The following EIF2B1 variants were observed in gnomAD, a reference collection of about 807,000 sequenced individuals.
The protein encoded by EIF2B1 is translation initiation factor eIF2B subunit alpha.
A neutral mutation model predicts 36.8 loss-of-function variants in EIF2B1; 30 were observed. The observed-to-expected ratio is 0.81, with a 90% CI of 0.61 to 1.10. The LOEUF (loss-of-function observed/expected upper bound fraction) is 1.10. Among genes scored for constraint, EIF2B1 ranks in the 50% least tolerant of loss-of-function variants. The probability of loss-of-function intolerance (pLI) is 0.00; values close to 1 mark genes in which losing one functional copy is unlikely to be tolerated. For missense variants in EIF2B1, 271 were observed against 374.8 expected (o/e 0.72, Z 2.29); for synonymous variants, 139 against 142.2 (o/e 0.98, Z 0.16).
Position 123,633,619 on chromosome 12 carries a change from CGCCGGCCGCGCCGCCTG to C in EIF2B1, c.-79_-63del. 6.3e-7 allele frequency: 1 copy of C among 1,597,238 alleles called. No individual in the cohort carries two copies. The highest frequency in any genetic ancestry group is 8.5e-7 in the Non-Finnish European group (1 of 1,178,090). ...CCGCCCGCGCTGTCTCGAACGGGTCCGCCGGCCGCGCCGCCTGCGAGCCAGTCTGACAGCGCGCTGCA... is the reference window on the plus strand; with the variant it reads ...CCGCCCGCGCTGTCTCGAACGGGTCCCGAGCCAGTCTGACAGCGCGCTGCA... On this transcript the variant is annotated 5_prime_UTR_variant, in exon 1 of 9. Transcript: ENST00000424014.
intron 4 of EIF2B1, among the ~76,000 whole-genome samples, chr12:123,628,132 T>C (rs1955161932): frequency 6.6e-6 from 1 of 152,152 alleles, no homozygotes; most frequent in South Asian, 2.1e-4. Context: ...CATGGCTCAC[T>C]GTAGCCTCGA....
At chr12:123,633,061 C>T (rs1955212806) in intron 1 of EIF2B1, among the ~76,000 whole-genome samples, 1 of 151,564 alleles carries the variant, frequency 6.6e-6, no homozygotes. Flanking sequence ...TGAGAGGATC[C>T]CAGAGTCAAC....
At chr12:123,624,382 C>T (rs748190921) in intron 7 of EIF2B1, among the ~76,000 whole-genome samples, 2 of 151,572 alleles carry the variant, frequency 1.3e-5, no homozygotes, top group Non-Finnish European at 2.9e-5. Flanking sequence ...CCTCAGCTTC[C>T]TGGGCAGCTG....
chr12:123,631,706 C>A (rs569107184), intron 2 of EIF2B1, among the ~76,000 whole-genome samples: 2 of 151,926 alleles, frequency 1.3e-5, no homozygotes, highest in Non-Finnish European at 2.9e-5. Context: ...TACCTGGAGG[C>A]TGAGGCAGGA....
chr12:123,623,119 G>A (rs1593777893), intron 7 of EIF2B1, among the ~76,000 whole-genome samples: 1 of 145,286 alleles, frequency 6.9e-6, no homozygotes. Context: ...GGTGGCTCAC[G>A]CCTGTAATCC....
chr12:123,627,030 A>G lies in EIF2B1; in HGVS notation c.482+14T>C. Reference sequence around the variant, plus strand: ...ATTATGGCTGGGCACATAACTGAACAGAAAGGTACTTGCCCTGACAAATCA... The same window carrying G: ...ATTATGGCTGGGCACATAACTGAACGGAAAGGTACTTGCCCTGACAAATCA... On this transcript the variant is annotated intron_variant, in intron 5 of 8. Coordinates refer to ENST00000424014, the MANE Select transcript of EIF2B1 (RefSeq NM_001414.4). 2 of 1,611,352 alleles carry G rather than the reference A, an allele frequency of 1.2e-6. No individual in the cohort carries two copies. Among genetic ancestry groups the G allele is most frequent in the Non-Finnish European group, 1.7e-6 (2 of 1,177,382 alleles).
In EIF2B1 at chr12:123,633,679, T is replaced by C; in HGVS notation, c.-122A>G. ...GCGCTGCACACCTCCGCACCCCACTTCCGGCGCACTTCCGTACCCCTCTTC... is the reference window on the plus strand; with the variant it reads ...GCGCTGCACACCTCCGCACCCCACTCCCGGCGCACTTCCGTACCCCTCTTC... On this transcript the variant is annotated 5_prime_UTR_variant, in exon 1 of 9. Coordinates refer to ENST00000424014, the MANE Select transcript of EIF2B1 (RefSeq NM_001414.4). The C allele has an allele frequency of 6.6e-7, 1 of 1,508,604 alleles. No homozygotes were observed. Among genetic ancestry groups the C allele is most frequent in the Non-Finnish European group, 9.1e-7 (1 of 1,098,938 alleles). 93.5% of individuals were successfully genotyped at this position (1,508,604 alleles called of 1,614,324 possible). A position where few individuals can be genotyped will look rare whatever the true frequency, so the allele number is the denominator to read the frequency against.
rs144193478 is a variant in EIF2B1 at position 123,626,796 on chromosome 12, A to G, written c.482+248T>C. Reference sequence around the variant, plus strand: ...ATAAGTTACCTATTCCTTGATAAAAATCTTCATCAATACAATCTCTGCTCT... The same window carrying G: ...ATAAGTTACCTATTCCTTGATAAAAGTCTTCATCAATACAATCTCTGCTCT... On this transcript the variant is annotated intron_variant, in intron 5 of 8. Coordinates refer to ENST00000424014, the MANE Select transcript of EIF2B1 (RefSeq NM_001414.4). 644 of 672,342 alleles carry G rather than the reference A, an allele frequency of 9.6e-4. 5 individuals carry two copies. The African/African-American group carries it at 0.01, about 11-fold the overall frequency. The allele number at this position is 672,342 out of a possible 1,614,324, so 41.6% of individuals were successfully genotyped here.
intron 7 of EIF2B1, 140 bp downstream of exon 7, chr12:123,624,647 G>C: frequency 1.3e-6 from 1 of 753,436 alleles, no homozygotes; most frequent in Non-Finnish European, 2.4e-6. Context: ...ACGGGAAATG[G>C]GCAACAACTC....
intron 7 of EIF2B1, among the ~76,000 whole-genome samples, chr12:123,623,121 C>T (rs1450103261): frequency 1.3e-5 from 2 of 152,038 alleles, no homozygotes; most frequent in Non-Finnish European, 2.9e-5. Context: ...TGGCTCACGC[C>T]TGTAATCCCA....
At position 123,621,558 on chromosome 12, in the gene EIF2B1, A is replaced by G; in HGVS notation, c.*198T>C. On this transcript the variant is annotated 3_prime_UTR_variant, in exon 9 of 9. Transcript: ENST00000424014. ...AACCGTAAGAACAATTTAAGTTGGGATTTAGAATAGCTGACACATTTTTAG... is the reference window on the plus strand; with the variant it reads ...AACCGTAAGAACAATTTAAGTTGGGGTTTAGAATAGCTGACACATTTTTAG... 1 of 656,162 alleles carries G rather than the reference A, an allele frequency of 1.5e-6. No homozygotes were observed. Among genetic ancestry groups the G allele is most frequent in the Non-Finnish European group, 2.6e-6 (1 of 383,714 alleles). 40.6% of individuals were successfully genotyped at this position (656,162 alleles called of 1,614,324 possible). A position where few individuals can be genotyped will look rare whatever the true frequency, so the allele number is the denominator to read the frequency against.
chr12:123,623,095 T>C (rs1047375848), intron 7 of EIF2B1, among the ~76,000 whole-genome samples: 2 of 149,042 alleles, frequency 1.3e-5, no homozygotes, highest in Admixed American at 1.3e-4. Flanking sequence ...AAACAGCCAC[T>C]AGAGGCTGGA....
At chr12:123,623,877 A>G (rs1485528116) in intron 7 of EIF2B1, among the ~76,000 whole-genome samples, 3 of 152,132 alleles carry the variant, frequency 2.0e-5, no homozygotes, top group African/African-American at 4.8e-5. Context: ...GTGCTCAATT[A>G]AAATGAAAAC....
At chr12:123,623,777 T>C (rs980045798) in intron 7 of EIF2B1, among the ~76,000 whole-genome samples, 1 of 152,144 alleles carries the variant, frequency 6.6e-6, no homozygotes, top group African/African-American at 2.4e-5. Context: ...CCCGGCCTTA[T>C]GTTACATATA....
At chr12:123,623,013 C>G (rs1955117570) in intron 7 of EIF2B1, among the ~76,000 whole-genome samples, 1 of 151,948 alleles carries the variant, frequency 6.6e-6, no homozygotes, top group African/African-American at 2.4e-5. Context: ...ATACATATAT[C>G]TAATACATAT....
chr12:123,627,078 C>A lies in EIF2B1; in HGVS notation c.448G>T (p.Val150Leu), dbSNP rs748469050. ...TCAGGCTGTGACTCTGTGACGTATA[C>A]ACTAAATCGCTTCTTGGCCGCCACG... ...AAVAAKKRFS[V>L]YVTESQPDLS... The change falls in exon 5 of 9, where the codon GTA becomes TTA. Residue 150 changes from valine (V) to leucine (L), a missense_variant. Physicochemically the swap from Val to Leu is conservative, Grantham distance 32. Coordinates refer to ENST00000424014, the MANE Select transcript of EIF2B1 (RefSeq NM_001414.4). 9.9e-6 allele frequency: 16 copies of A among 1,614,190 alleles called. No individual in the cohort carries two copies. Among genetic ancestry groups the A allele is most frequent in the Non-Finnish European group, 1.4e-5 (16 of 1,180,050 alleles).
Position 123,620,648 on chromosome 12 carries a change from AT to A in EIF2B1, c.*1107del, listed in dbSNP as rs1955075996. On this transcript the variant is annotated 3_prime_UTR_variant, in exon 9 of 9. Transcript: ENST00000424014. ...TATATAAGCTCTTTTTTCTGAGGCTATTTTATAGTTATTTTTAAACATAAAG... is the reference window on the plus strand; with the variant it reads ...TATATAAGCTCTTTTTTCTGAGGCTATTTATAGTTATTTTTAAACATAAAG... The A allele has an allele frequency of 8.7e-6, 1 of 114,954 alleles. No individual in the cohort carries two copies. The allele number at this position is 114,954 out of a possible 1,614,324, so 7.1% of individuals were successfully genotyped here.
intron 7 of EIF2B1, among the ~76,000 whole-genome samples, chr12:123,623,443 C>G (rs1360272636): frequency 6.6e-6 from 1 of 152,036 alleles, no homozygotes; most frequent in Admixed American, 6.6e-5. Context: ...GAAATTGGAA[C>G]CTTTGTGCTT....
In EIF2B1 at chr12:123,621,370, A is replaced by G. The variant is rs1955095263; in HGVS notation, c.*386T>C. 3.0e-6 allele frequency: 1 copy of G among 336,512 alleles called. No individual in the cohort carries two copies. Among genetic ancestry groups the G allele is most frequent in the Non-Finnish European group, 5.8e-6 (1 of 171,952 alleles). 20.8% of individuals were successfully genotyped at this position (336,512 alleles called of 1,614,324 possible). A position where few individuals can be genotyped will look rare whatever the true frequency, so the allele number is the denominator to read the frequency against. On this transcript the variant is annotated 3_prime_UTR_variant, in exon 9 of 9. Transcript: ENST00000424014. ...TGACCAGCTGTTGGTCATTTGTGGC[A>G]GAGGGGTGTGGCTGCTTTTCGCCTG...
Sources: gnomAD v4.1 joint callset for allele counts (sites outside exome capture counted in the v4.1 genomes callset) on GRCh38, gnomAD v4.1.1 for gene constraint, MANE v1.5 for transcripts, NCBI Gene and HGNC (gene_info 2026-07-23, HGNC 2026-07-21) for gene names.